NEXN: variants seen among roughly 807,000 people sequenced by gnomAD.
The protein encoded by NEXN is nexilin.
A neutral mutation model predicts 92.6 loss-of-function variants in NEXN; 65 were observed. The ratio of observed to expected loss-of-function variants is 0.70; its 90% CI spans 0.57 to 0.86. The LOEUF (loss-of-function observed/expected upper bound fraction) is 0.86. Among genes scored for constraint, NEXN ranks in the 40% least tolerant of loss-of-function variants. NEXN has a pLI of 0.00. For missense variants in NEXN, 778 were observed against 771.1 expected (o/e 1.01, Z -0.11); for synonymous variants, 254 against 242.5 (o/e 1.05, Z -0.44).
chr1:77,942,971 T>A lies in NEXN; in HGVS notation c.*142T>A, dbSNP rs1407625568. 1 of 1,212,984 alleles carries A rather than the reference T, an allele frequency of 8.2e-7. No homozygotes were observed. Among genetic ancestry groups the A allele is most frequent in the Non-Finnish European group, 1.2e-6 (1 of 848,226 alleles). 75.1% of individuals were successfully genotyped at this position (1,212,984 alleles called of 1,614,324 possible). On this transcript the variant is annotated 3_prime_UTR_variant, in exon 13 of 13. Transcript: ENST00000334785. ...CACTCCAACTTTCTTACTACATCCATCTTTTCTGTGGCGGGGCCAAAAAAG... is the reference window on the plus strand; with the variant it reads ...CACTCCAACTTTCTTACTACATCCAACTTTTCTGTGGCGGGGCCAAAAAAG...
At chr1:77,936,115 C>A in intron 11 of NEXN, 71 bp downstream of exon 11, 1 of 1,211,220 alleles carries the variant, frequency 8.3e-7, no homozygotes, top group Non-Finnish European at 1.2e-6. Context: ...GTAACATTGG[C>A]TTTGAAATAA....
intron 5 of NEXN, among the ~76,000 whole-genome samples, chr1:77,922,380 C>T (rs1048968597): frequency 3.9e-5 from 6 of 152,042 alleles, no homozygotes; most frequent in Non-Finnish European, 5.9e-5. Flanking sequence ...CCGCCTGCCT[C>T]GGCCTCCCAA....
intron 10 of NEXN, among the ~76,000 whole-genome samples, chr1:77,934,049 G>C (rs1204683378): frequency 8.0e-6 from 1 of 125,724 alleles, no homozygotes. Flanking sequence ...TTGCTCTGTT[G>C]CCCAGGCTGG....
chr1:77,909,047 G>C (rs1648361513), intron 1 of NEXN, among the ~76,000 whole-genome samples: 1 of 152,150 alleles, frequency 6.6e-6, no homozygotes, highest in Non-Finnish European at 1.5e-5. Flanking sequence ...AAATCTAGGA[G>C]ATATAGAAGA....
intron 1 of NEXN, among the ~76,000 whole-genome samples, chr1:77,901,429 T>A (rs1647701348): frequency 6.6e-6 from 1 of 152,212 alleles, no homozygotes; most frequent in Non-Finnish European, 1.5e-5. Context: ...TTGTTTTAAT[T>A]TCTAATATAT....
intron 1 of NEXN, among the ~76,000 whole-genome samples, chr1:77,894,063 A>G (rs1469337771): frequency 6.6e-6 from 1 of 151,462 alleles, no homozygotes; most frequent in Non-Finnish European, 1.5e-5. Flanking sequence ...TGACCTCGTG[A>G]TCTGCCCACG....
At chr1:77,898,162 T>C (rs1337968074) in intron 1 of NEXN, among the ~76,000 whole-genome samples, 12 of 152,072 alleles carry the variant, frequency 7.9e-5, no homozygotes, top group Admixed American at 7.9e-4. Context: ...AAAAACTACT[T>C]TAAAGTTCAT....
intron 5 of NEXN, among the ~76,000 whole-genome samples, chr1:77,920,786 G>C (rs2102103530): frequency 6.6e-6 from 1 of 151,834 alleles, no homozygotes; most frequent in East Asian, 1.9e-4. Flanking sequence ...GAAAAAAGAG[G>C]AGTTACTGGT....
At chr1:77,902,823 C>CAG (rs1469342058) in intron 1 of NEXN, among the ~76,000 whole-genome samples, 2 of 152,090 alleles carry the variant, frequency 1.3e-5, no homozygotes, top group Non-Finnish European at 2.9e-5. Context: ...TTAGAGGTCT[C>CAG]AGAGACTGAA....
intron 11 of NEXN, among the ~76,000 whole-genome samples, chr1:77,939,919 C>A (rs969418553): frequency 6.6e-6 from 1 of 152,098 alleles, no homozygotes; most frequent in Admixed American, 6.5e-5. Context: ...ACTAAAAATA[C>A]AAAAATTAGC....
At chr1:77,894,080 T>C (rs761345125) in intron 1 of NEXN, among the ~76,000 whole-genome samples, 3 of 152,028 alleles carry the variant, frequency 2.0e-5, no homozygotes, top group Non-Finnish European at 4.4e-5. Context: ...CACGTTGGCC[T>C]CCCAAAGTGC....
intron 9 of NEXN, 155 bp from the exon 10 acceptor site, chr1:77,933,127 C>T (rs866302831): frequency 1.8e-6 from 1 of 563,526 alleles, no homozygotes; most frequent in Non-Finnish European, 3.2e-6. Flanking sequence ...CATCATTGCA[C>T]TCCAGCCTGG....
At chr1:77,910,653 A>G (rs1024499525) in intron 1 of NEXN, among the ~76,000 whole-genome samples, 3 of 149,346 alleles carry the variant, frequency 2.0e-5, no homozygotes, top group Non-Finnish European at 4.4e-5. Flanking sequence ...CGGGAGGCTG[A>G]GGCAGTAGAA....
At chr1:77,908,123 C>T (rs1648266725) in intron 1 of NEXN, among the ~76,000 whole-genome samples, 1 of 151,972 alleles carries the variant, frequency 6.6e-6, no homozygotes, top group Admixed American at 6.6e-5. Flanking sequence ...TGTTGCCCAG[C>T]CTGAAGTGCA....
chr1:77,917,558 T>C lies in NEXN; in HGVS notation c.28-8T>C. On this transcript the variant is annotated splice_polypyrimidine_tract_variant and splice_region_variant and intron_variant, in intron 2 of 12. Transcript: ENST00000334785. ...TAACTTTCTTTTTTTTATTTTCTTC[T>C]AATGAAGATTCTGCTTTCTTCATCT... 1 of 1,601,792 alleles carries C rather than the reference T, an allele frequency of 6.2e-7. No homozygotes were observed. Among genetic ancestry groups the C allele is most frequent in the Non-Finnish European group, 8.6e-7 (1 of 1,169,498 alleles).
Position 77,929,326 on chromosome 1 carries a change from A to G in NEXN, c.875A>G (p.Asp292Gly), listed in dbSNP as rs775754826. 6.2e-7 allele frequency: 1 copy of G among 1,609,916 alleles called. No individual in the cohort carries two copies. The highest frequency in any genetic ancestry group is 1.3e-5 in the African/African-American group (1 of 74,918). Residue 292 changes from aspartate (D) to glycine (G), a missense_variant, in exon 9 of 13, where the codon GAT becomes GGT. By Grantham distance (94) the Asp-to-Gly change is moderately conservative (BLOSUM62 -1). Transcript: ENST00000334785. Reference protein sequence around the residue: ...EEARRQMVNEDEENQDTAKIF... With the variant: ...EEARRQMVNEGEENQDTAKIF... ...TGTTTATTTGGTTAGGTAAATGAAG[A>G]TGAGGAAAACCAAGACACAGCAAAA...
At chr1:77,937,064 C>T (rs913565332) in intron 11 of NEXN, among the ~76,000 whole-genome samples, 5 of 152,112 alleles carry the variant, frequency 3.3e-5, no homozygotes, top group Non-Finnish European at 5.9e-5. Context: ...AGTCTCAGCA[C>T]TTTGGGAGGC....
At chr1:77,940,256 A>G (rs1003576771) in intron 11 of NEXN, among the ~76,000 whole-genome samples, 3 of 152,172 alleles carry the variant, frequency 2.0e-5, no homozygotes, top group Admixed American at 2.0e-4. Flanking sequence ...GTCTACTCCA[A>G]AACCACCTTA....
At chr1:77,931,099 TAGA>T (rs1372880827) in intron 9 of NEXN, among the ~76,000 whole-genome samples, 2 of 151,782 alleles carry the variant, frequency 1.3e-5, no homozygotes, top group African/African-American at 4.8e-5. Context: ...TTAGAAGCGG[TAGA>T]AGAAGCCGGG....
Sources: gnomAD v4.1 joint callset for allele counts (sites outside exome capture counted in the v4.1 genomes callset) on GRCh38, gnomAD v4.1.1 for gene constraint, MANE v1.5 for transcripts, NCBI Gene and HGNC (gene_info 2026-07-23, HGNC 2026-07-21) for gene names.